The following EPHA3 variants were observed in gnomAD, a reference collection of about 807,000 sequenced individuals.
EPHA3 encodes the protein ephrin type-A receptor 3.
In EPHA3, 42 loss-of-function variants were observed where a neutral mutation model predicts 107.1. The ratio of observed to expected loss-of-function variants is 0.39; its 90% CI spans 0.31 to 0.51. The LOEUF is 0.51. EPHA3 is among the 20% of genes least tolerant of loss of function. The pLI is 0.78. For synonymous variants in EPHA3, 461 were observed against 424.8 expected, an observed-to-expected ratio of 1.09 and a Z score of -1.05; for missense variants, 1,183 against 1,211.2, an observed-to-expected ratio of 0.98 and a Z score of 0.35.
chr3:89,177,799 A>G (rs1284263596), intron 2 of EPHA3, among the ~76,000 whole-genome samples: 1 of 152,060 alleles, frequency 6.6e-6, no homozygotes, highest in Non-Finnish European at 1.5e-5. Context: ...ATTTGCATTC[A>G]CTGTTTTTGA....
chr3:89,297,057 T>C (rs1706370930), intron 3 of EPHA3, among the ~76,000 whole-genome samples: 1 of 152,206 alleles, frequency 6.6e-6, no homozygotes, highest in Non-Finnish European at 1.5e-5. Flanking sequence ...GGGCTTTGGC[T>C]AAAAAGAATG....
intron 15 of EPHA3, among the ~76,000 whole-genome samples, chr3:89,452,573 G>A (rs895835958): frequency 9.2e-5 from 14 of 151,990 alleles, no homozygotes; most frequent in African/African-American, 2.4e-4. Flanking sequence ...AATTCTATGA[G>A]TTCCTTATAT....
At chr3:89,277,440 T>G (rs1705834349) in intron 3 of EPHA3, among the ~76,000 whole-genome samples, 1 of 152,148 alleles carries the variant, frequency 6.6e-6, no homozygotes, top group African/African-American at 2.4e-5. Context: ...TATTTGAAAT[T>G]TTAAAGTCTA....
Position 89,393,790 on chromosome 3 carries a change from T to TAAAA in EPHA3, c.1307-2044_1307-2041dup, listed in dbSNP as rs1399975184. On this transcript the variant is annotated intron_variant, in intron 5 of 16. Transcript: ENST00000336596. ...AAGTAAGCAAAAATAAATTTTTTTT[T>TAAAA]AAAAAATCCACATATCCATTTATTT... Among the ~76,000 whole-genome samples the TAAAA allele has an allele frequency of 1.8e-3, 258 of 143,978 alleles. 2 individuals carry two copies. The highest frequency in any genetic ancestry group is 5.7e-3 in the African/African-American group (233 of 41,026). The allele number at this position is 143,978 out of a possible 152,430, so 94.5% of individuals were successfully genotyped here.
chr3:89,146,059 G>A (rs1432916800), intron 2 of EPHA3, among the ~76,000 whole-genome samples: 3 of 151,818 alleles, frequency 2.0e-5, no homozygotes, highest in Non-Finnish European at 4.4e-5. Flanking sequence ...GTCAACAGAG[G>A]TCTGAAAACA....
At chr3:89,173,049 T>C (rs1295248488) in intron 2 of EPHA3, among the ~76,000 whole-genome samples, 2 of 152,124 alleles carry the variant, frequency 1.3e-5, no homozygotes. Context: ...TCAGAATCTG[T>C]AAATATGTTT....
At chr3:89,399,631 C>G (rs1708917408) in intron 7 of EPHA3, 151 bp downstream of exon 7, 7 of 1,363,206 alleles carry the variant, frequency 5.1e-6, no homozygotes, top group Non-Finnish European at 6.6e-6. Flanking sequence ...AGCCCTGTGT[C>G]TGTATACAGT....
intron 16 of EPHA3, among the ~76,000 whole-genome samples, 196 bp from the exon 17 acceptor site, chr3:89,479,201 A>G (rs1386341685): frequency 6.6e-6 from 1 of 152,164 alleles, no homozygotes; most frequent in Non-Finnish European, 1.5e-5. Context: ...GGGAAACTCT[A>G]TTCAACCCAC....
At chr3:89,351,270 T>G (rs1471341016) in intron 5 of EPHA3, among the ~76,000 whole-genome samples, 1 of 150,970 alleles carries the variant, frequency 6.6e-6, no homozygotes, top group East Asian at 1.9e-4. Context: ...ATCAGCGAGA[T>G]TCCGTGGGCG....
intron 3 of EPHA3, among the ~76,000 whole-genome samples, chr3:89,236,344 A>G (rs1256880018): frequency 1.3e-5 from 2 of 152,046 alleles, no homozygotes; most frequent in East Asian, 3.9e-4. Context: ...GAGTAAATGA[A>G]TAAAAGGTGG....
chr3:89,306,160 G>T (rs1706615800), intron 3 of EPHA3, among the ~76,000 whole-genome samples: 1 of 152,040 alleles, frequency 6.6e-6, no homozygotes, highest in South Asian at 2.1e-4. Context: ...TACCACGGTG[G>T]TACTGGGGAG....
rs777211567 is a variant in EPHA3 at position 89,429,165 on chromosome 3, C to T, written c.2134C>T (p.Arg712Cys). Residue 712 changes from arginine (R) to cysteine (C), a missense_variant and splice_region_variant, in exon 12 of 17, where the codon CGT becomes TGT. By Grantham distance (180) the Arg-to-Cys change is radical. Coordinates refer to ENST00000336596, the MANE Select transcript of EPHA3 (RefSeq NM_005233.6). ...GAATGGTTCCTTGGATAGTTTCCTA[C>T]GTGTAAGTAAGATGCACACACATAC... ...MENGSLDSFLRKHDAQFTVIQ... is the reference protein window; with the variant it reads ...MENGSLDSFLCKHDAQFTVIQ... The T allele has an allele frequency of 1.1e-5, 18 of 1,608,930 alleles. No individual in the cohort carries two copies. The highest frequency in any genetic ancestry group is 3.3e-5 in the Admixed American group (2 of 59,870).
intron 1 of EPHA3, among the ~76,000 whole-genome samples, chr3:89,113,511 A>AAAAAT (rs1400887351): frequency 1.0e-4 from 15 of 149,342 alleles, no homozygotes; most frequent in Non-Finnish European, 2.2e-4. Flanking sequence ...AAAAAAAAAA[A>AAAAAT]AAGAGGGGAG....
intron 5 of EPHA3, among the ~76,000 whole-genome samples, chr3:89,372,842 C>G (rs1325164983): frequency 1.3e-5 from 2 of 151,648 alleles, no homozygotes; most frequent in African/African-American, 2.4e-5. Flanking sequence ...TGTTATCTTA[C>G]CTTGCACTAG....
intron 3 of EPHA3, among the ~76,000 whole-genome samples, chr3:89,215,964 G>T (rs1312910106): frequency 1.3e-5 from 2 of 151,796 alleles, no homozygotes; most frequent in African/African-American, 4.8e-5. Flanking sequence ...TGGCTGTGGG[G>T]TATCTGCTTT....
chr3:89,125,424 T>G (rs1224761987), intron 1 of EPHA3, among the ~76,000 whole-genome samples: 1 of 151,718 alleles, frequency 6.6e-6, no homozygotes, highest in African/African-American at 2.4e-5. Flanking sequence ...TTTCAAAAAT[T>G]TTCTAACAGT....
At chr3:89,217,864 A>G (rs916769796) in intron 3 of EPHA3, among the ~76,000 whole-genome samples, 1 of 152,224 alleles carries the variant, frequency 6.6e-6, no homozygotes, top group Non-Finnish European at 1.5e-5. Context: ...CACCAGGAAC[A>G]TGTAAAGTTT....
chr3:89,366,850 A>G (rs888997105), intron 5 of EPHA3, among the ~76,000 whole-genome samples: 25 of 150,892 alleles, frequency 1.7e-4, no homozygotes, highest in Non-Finnish European at 3.4e-4. Context: ...CATTTTGTTC[A>G]TTAGATGTGT....
chr3:89,365,871 AT>A (rs1422979584), intron 5 of EPHA3, among the ~76,000 whole-genome samples: 1 of 150,642 alleles, frequency 6.6e-6, no homozygotes, highest in Admixed American at 6.7e-5. Flanking sequence ...ATGCATGGGT[AT>A]TTTTTCTTCA....
Sources: gnomAD v4.1 joint callset for allele counts (sites outside exome capture counted in the v4.1 genomes callset) on GRCh38, gnomAD v4.1.1 for gene constraint, MANE v1.5 for transcripts, NCBI Gene and HGNC (gene_info 2026-07-23, HGNC 2026-07-21) for gene names.